Variants in DPP6 observed in about 807,000 individuals in gnomAD.
The protein encoded by DPP6 is A-type potassium channel modulatory protein DPP6.
Under a neutral mutation model 122.6 loss-of-function variants are expected in DPP6, and 69 were observed. The observed-to-expected ratio is 0.56, with a 90% CI of 0.46 to 0.69. DPP6 has a LOEUF of 0.69. DPP6 is among the 30% of genes least tolerant of loss of function. The probability of loss-of-function intolerance (pLI) is 0.00; values close to 1 mark genes in which losing one functional copy is unlikely to be tolerated. For missense variants in DPP6, 928 were observed against 1,116.9 expected (o/e 0.83, Z 2.41); for synonymous variants, 418 against 433.1 (o/e 0.97, Z 0.43).
chr7:154,830,339 G>A (rs1434579708), intron 16 of DPP6, among the ~76,000 whole-genome samples: 1 of 152,196 alleles, frequency 6.6e-6, no homozygotes. Flanking sequence ...CCGGGGCCAG[G>A]CCAGGAGGCA....
intron 16 of DPP6, among the ~76,000 whole-genome samples, chr7:154,851,704 A>G (rs1802395829): frequency 6.6e-6 from 1 of 152,254 alleles, no homozygotes; most frequent in Non-Finnish European, 1.5e-5. Flanking sequence ...TTTGAATTTT[A>G]GGTAAACCAC....
intron 1 of DPP6, among the ~76,000 whole-genome samples, chr7:154,061,772 C>T (rs1206051962): frequency 1.5e-5 from 2 of 134,052 alleles, no homozygotes; most frequent in Admixed American, 7.2e-5. Flanking sequence ...GCACCCCCAT[C>T]GCAGGGAGGG....
chr7:154,386,044 G>A (rs971630142), intron 1 of DPP6, among the ~76,000 whole-genome samples: 1 of 152,182 alleles, frequency 6.6e-6, no homozygotes, highest in East Asian at 1.9e-4. Context: ...TACAAGGTGT[G>A]CTCAGGAAAA....
chr7:154,760,084 T>C lies in DPP6; in HGVS notation c.884-9333T>C, dbSNP rs1043202279. Among the ~76,000 whole-genome samples, 1 of 152,164 alleles carries C rather than the reference T, an allele frequency of 6.6e-6. No individual in the cohort carries two copies. Among genetic ancestry groups the C allele is most frequent in the Admixed American group, 6.5e-5 (1 of 15,276 alleles). On this transcript the variant is annotated intron_variant, in intron 8 of 25. Coordinates refer to ENST00000377770, the MANE Select transcript of DPP6 (RefSeq NM_130797.4). This position sits in a 1 kb window ranked among gnomAD's most constrained non-coding sequence, Gnocchi z 4.5. ...GTTGCAGTGAGCAGAAATCATGCCA[T>C]TGCACTCCAGCCTAGGTGACAGAGC... is the stretch of plus-strand genomic sequence containing the variant.
rs577558079 is a variant in DPP6, at chr7:154,840,961, G to T, written c.1667-12819G>T. Among the ~76,000 whole-genome samples, 7 of 152,276 alleles carry T rather than the reference G, an allele frequency of 4.6e-5. 1 individual carries two copies. The South Asian group carries it at 1.5e-3, about 32-fold the overall frequency. On this transcript the variant is annotated intron_variant, in intron 16 of 25. Coordinates refer to ENST00000377770, the MANE Select transcript of DPP6 (RefSeq NM_130797.4). ...ACTTGCTGTTAACGAGTCAATGTAC[G>T]TTTTCCTAGGTGGGATGCAAAGTTG...
chr7:153,837,438 T>C, the DPP6 span, among the ~76,000 whole-genome samples: 1 of 152,208 alleles, frequency 6.6e-6, no homozygotes, highest in South Asian at 2.1e-4. Flanking sequence ...CTTAAATACC[T>C]TAACCAAATT....
At chr7:154,258,584 G>T (rs375708402) in intron 1 of DPP6, among the ~76,000 whole-genome samples, 88 of 152,318 alleles carry the variant, frequency 5.8e-4, no homozygotes, top group Middle Eastern at 3.4e-3. Context: ...AATGGTATAG[G>T]ACAGTGCAAA....
chr7:154,035,278 A>C (rs1209700740), intron 1 of DPP6, among the ~76,000 whole-genome samples: 2 of 152,244 alleles, frequency 1.3e-5, no homozygotes, highest in Non-Finnish European at 2.9e-5. Flanking sequence ...GTGGTCATGT[A>C]ATGGGTTCAC....
the DPP6 span, among the ~76,000 whole-genome samples, chr7:153,823,487 T>C: frequency 6.7e-6 from 1 of 150,272 alleles, no homozygotes; most frequent in African/African-American, 2.5e-5. Flanking sequence ...GCCCTCTGCC[T>C]CAGGTTCCCA....
intron 4 of DPP6, among the ~76,000 whole-genome samples, chr7:154,560,187 T>G (rs1459542020): frequency 6.6e-6 from 1 of 151,998 alleles, no homozygotes; most frequent in Non-Finnish European, 1.5e-5. Flanking sequence ...TGGGTGGAAA[T>G]TTTTGTAGAA....
chr7:153,820,829 A>T, the DPP6 span, among the ~76,000 whole-genome samples: 7 of 150,974 alleles, frequency 4.6e-5, no homozygotes, highest in Non-Finnish European at 1.0e-4. Context: ...AGGAGAAAAG[A>T]ACAATTGATT....
At chr7:154,804,817 G>T in intron 14 of DPP6, 100 bp from the exon 15 acceptor site, 1 of 1,509,832 alleles carries the variant, frequency 6.6e-7, no homozygotes. Flanking sequence ...GGCCATGGGC[G>T]GCAGTCCCTG....
intron 8 of DPP6, among the ~76,000 whole-genome samples, chr7:154,757,973 C>T (rs1009772669): frequency 6.6e-6 from 1 of 152,032 alleles, no homozygotes; most frequent in Admixed American, 6.6e-5. Flanking sequence ...GCTCTCCCCC[C>T]CGCCCTCTCC....
intron 1 of DPP6, among the ~76,000 whole-genome samples, chr7:154,246,930 A>G (rs1802018507): frequency 6.6e-6 from 1 of 152,264 alleles, no homozygotes; most frequent in African/African-American, 2.4e-5. Flanking sequence ...CTTCTCAAGT[A>G]GAACCGAAAA....
intron 1 of DPP6, among the ~76,000 whole-genome samples, chr7:153,956,120 C>G (rs187777916): frequency 3.3e-5 from 5 of 152,292 alleles, no homozygotes; most frequent in Admixed American, 6.5e-5. Flanking sequence ...AGGGTAGACC[C>G]AATACAACCT....
chr7:154,476,557 A>C (rs1563731050), intron 3 of DPP6, among the ~76,000 whole-genome samples: 1 of 152,220 alleles, frequency 6.6e-6, no homozygotes, highest in African/African-American at 2.4e-5. Flanking sequence ...CCTAACACAC[A>C]AGACTCAGAG....
At chr7:153,763,081 T>A in the DPP6 span, among the ~76,000 whole-genome samples, 1 of 152,118 alleles carries the variant, frequency 6.6e-6, no homozygotes, top group Non-Finnish European at 1.5e-5. Context: ...GCAGCAGAGA[T>A]CACAGAAATC....
chr7:154,319,075 G>C (rs1265158055), intron 1 of DPP6, among the ~76,000 whole-genome samples: 1 of 151,726 alleles, frequency 6.6e-6, no homozygotes, highest in Non-Finnish European at 1.5e-5. Context: ...TCAGGGGAGA[G>C]TAATGAAGTC....
chr7:153,781,238 G>T, the DPP6 span, among the ~76,000 whole-genome samples: 6 of 151,946 alleles, frequency 3.9e-5, no homozygotes, highest in Admixed American at 3.3e-4. Context: ...ACCAGCTCTG[G>T]ACTGACTTCC....
Sources: gnomAD v4.1 joint callset for allele counts (sites outside exome capture counted in the v4.1 genomes callset) on GRCh38, gnomAD v4.1.1 for gene constraint, Gnocchi (gnomAD v3.1) non-coding constraint, MANE v1.5 for transcripts, NCBI Gene and HGNC (gene_info 2026-07-23, HGNC 2026-07-21) for gene names.